Variants in ALMS1 observed in about 807,000 individuals in gnomAD.
ALMS1 encodes the protein centrosome-associated protein ALMS1.
ALMS1 carries 271 observed loss-of-function variants against 352.2 expected under a neutral mutation model. The ratio of observed to expected loss-of-function variants is 0.77; its 90% CI spans 0.70 to 0.85. ALMS1 has a LOEUF of 0.85. Among genes scored for constraint, ALMS1 ranks in the 40% least tolerant of loss-of-function variants. The pLI is 0.00. For synonymous variants in ALMS1, 1,865 were observed against 1,761.2 expected (o/e 1.06, Z -1.48); for missense variants, 5,445 against 4,870.7 (o/e 1.12, Z -3.51).
At position 73,448,812 on chromosome 2, in the gene ALMS1, G is replaced by A; in HGVS notation, c.2285G>A (p.Ser762Asn). ...QKTEIPAVQS[S>N]SYSQREKPSI... ...ACTGAGATACCAGCAGTACAGTCTA[G>A]TTCTTACTCACAAAGAGAAAAGCCT... The change falls in exon 8 of 23, where the codon AGT (serine) becomes AAT (asparagine). Residue 762 changes from serine (S) to asparagine (N), a missense_variant. Physicochemically the swap from Ser to Asn is conservative, Grantham distance 46. Coordinates refer to ENST00000613296, the MANE Select transcript of ALMS1 (RefSeq NM_001378454.1). 6.8e-6 allele frequency: 11 copies of A among 1,613,920 alleles called. No homozygotes were observed. The highest frequency in any genetic ancestry group is 9.3e-6 in the Non-Finnish European group (11 of 1,179,954).
rs1324818119 is a variant in ALMS1 at position 73,519,963 on chromosome 2, A to G, written c.9728A>G (p.Lys3243Arg). The G allele has an allele frequency of 6.2e-7, 1 of 1,614,126 alleles. No individual in the cohort carries two copies. The highest frequency in any genetic ancestry group is 8.5e-7 in the Non-Finnish European group (1 of 1,179,960). ...CAGAAGCTACGCAAAGCTCCTGTCA[A>G]GTTTGCCTCATCATCTTCAGTCCAA... is the stretch of plus-strand genomic sequence containing the variant. Reference protein sequence around the residue: ...GNQKLRKAPVKFASSSSVQQV... With the variant: ...GNQKLRKAPVRFASSSSVQQV... Residue 3243 changes from lysine to arginine, a missense_variant, in exon 11 of 23, where the codon AAG becomes AGG. Coordinates refer to ENST00000613296, the MANE Select transcript of ALMS1 (RefSeq NM_001378454.1).
At chr2:73,548,974 T>C (rs1239032253) in intron 12 of ALMS1, among the ~76,000 whole-genome samples, 1 of 152,164 alleles carries the variant, frequency 6.6e-6, no homozygotes, top group Non-Finnish European at 1.5e-5. Context: ...AAGAACCCAA[T>C]ATAATCTATT....
rs747436819 is a variant in ALMS1, at chr2:73,568,995, C to CTT, written c.10385-3231_10385-3230dup. 7.1e-3 allele frequency among the ~76,000 whole-genome samples: 381 copies of CTT among 53,574 alleles called. 148 individuals are homozygous for CTT. The highest frequency in any genetic ancestry group is 0.01 in the Non-Finnish European group (308 of 29,550). The allele number at this position is 53,574 out of a possible 152,430, so 35.1% of individuals were successfully genotyped here. The stretch of plus-strand genomic sequence containing the variant: ...AGCTTGCTTGCTGCTGCTTCTGCTT[C>CTT]TTTTTTTTTTTTTTTTTTTTTTTTT... On this transcript the variant is annotated intron_variant, in intron 15 of 22. Coordinates refer to ENST00000613296, the MANE Select transcript of ALMS1 (RefSeq NM_001378454.1).
intron 9 of ALMS1, among the ~76,000 whole-genome samples, chr2:73,482,003 T>C (rs1672717870): frequency 6.6e-6 from 1 of 152,176 alleles, no homozygotes; most frequent in South Asian, 2.1e-4. Flanking sequence ...TTTCTAGATA[T>C]ACAATCATGT....
chr2:73,449,192 A>G lies in ALMS1; in HGVS notation c.2665A>G (p.Ile889Val), dbSNP rs377282102. 1.0e-4 allele frequency: 164 copies of G among 1,613,906 alleles called. No homozygotes were observed. Among genetic ancestry groups the G allele is most frequent in the Admixed American group, 3.5e-4 (21 of 59,986 alleles). ...HLTEEALKVSIVPGPGDQKTG... is the reference protein window; with the variant it reads ...HLTEEALKVSVVPGPGDQKTG... ...AACTGAAGAGGCTCTGAAAGTATCAATTGTTCCTGGACCAGGTGATCAGAA... is the reference window on the plus strand; with the variant it reads ...AACTGAAGAGGCTCTGAAAGTATCAGTTGTTCCTGGACCAGGTGATCAGAA... The change falls in exon 8 of 23, where the codon ATT becomes GTT. Residue 889 changes from isoleucine (I) to valine (V), a missense_variant. Coordinates refer to ENST00000613296, the MANE Select transcript of ALMS1 (RefSeq NM_001378454.1).
chr2:73,428,995 T>C (rs1381396138), intron 6 of ALMS1, among the ~76,000 whole-genome samples: 1 of 152,180 alleles, frequency 6.6e-6, no homozygotes, highest in Non-Finnish European at 1.5e-5. Flanking sequence ...ACATAGAGAT[T>C]TTGAGTCAAA....
chr2:73,494,445 C>T (rs562697508), intron 10 of ALMS1, among the ~76,000 whole-genome samples: 6 of 152,262 alleles, frequency 3.9e-5, no homozygotes, highest in Non-Finnish European at 7.4e-5. Flanking sequence ...TGGTGTAAAA[C>T]TATATAGTCT....
At position 73,449,280 on chromosome 2, in the gene ALMS1, C is replaced by T. The variant is rs369228801; in HGVS notation, c.2753C>T (p.Ser918Phe). ...YSHREKPIIF[S>F]QQTLPDFLFP... is the part of the protein sequence containing the mutation. ...CACAGAGAGAAGCCCATTATTTTTT[C>T]CCAGCAGACCCTGCCAGACTTTCTT... is the stretch of plus-strand genomic sequence containing the variant. The change falls in exon 8 of 23, where the codon TCC (serine) becomes TTC (phenylalanine). Residue 918 changes from serine (S) to phenylalanine (F), a missense_variant. Ser to Phe is a radical substitution (Grantham distance 155, BLOSUM62 -2). Coordinates refer to ENST00000613296, the MANE Select transcript of ALMS1 (RefSeq NM_001378454.1). 1 of 1,613,728 alleles carries T rather than the reference C, an allele frequency of 6.2e-7. No individual in the cohort carries two copies.
intron 10 of ALMS1, among the ~76,000 whole-genome samples, chr2:73,505,896 G>T (rs1208271749): frequency 6.6e-6 from 1 of 152,078 alleles, no homozygotes; most frequent in Non-Finnish European, 1.5e-5. Context: ...TATTGCCTAG[G>T]TTTTTTTGTA....
At chr2:73,419,068 T>TATTTAGATGAAAATGTCCACTC in intron 2 of ALMS1, 55 bp from the exon 3 acceptor site, 1 of 1,391,094 alleles carries the variant, frequency 7.2e-7, no homozygotes, top group Non-Finnish European at 1.0e-6. Flanking sequence ...TAAATATTAA[T>TATTTAGATGAAAATGTCCACTC]ATGTATGGTA....
chr2:73,609,742 C>T lies in ALMS1; in HGVS notation c.*130C>T. The T allele has an allele frequency of 2.1e-6, 2 of 930,702 alleles. No individual in the cohort carries two copies. Among genetic ancestry groups the T allele is most frequent in the South Asian group, 2.8e-5 (2 of 71,400 alleles). 57.7% of individuals were successfully genotyped at this position (930,702 alleles called of 1,614,324 possible). A position where few individuals can be genotyped will look rare whatever the true frequency, so the allele number is the denominator to read the frequency against. On this transcript the variant is annotated 3_prime_UTR_variant, in exon 23 of 23. Transcript: ENST00000613296. Reference sequence around the variant, plus strand: ...ATGTGTATTTTAGAAATAGTAACTTCTAAAGAGTCTGGAACAAAGTGGTGA... The same window carrying T: ...ATGTGTATTTTAGAAATAGTAACTTTTAAAGAGTCTGGAACAAAGTGGTGA...
chr2:73,541,445 A>T (rs533048909), intron 12 of ALMS1, among the ~76,000 whole-genome samples: 2 of 152,244 alleles, frequency 1.3e-5, no homozygotes, highest in South Asian at 2.1e-4. Flanking sequence ...TGACAGCCTA[A>T]CATCACAATT....
At position 73,504,750 on chromosome 2, in the gene ALMS1, C is replaced by CT. The variant is rs755948690; in HGVS notation, c.9539+13255dup. On this transcript the variant is annotated intron_variant, in intron 10 of 22. Coordinates refer to ENST00000613296, the MANE Select transcript of ALMS1 (RefSeq NM_001378454.1). ...ACATTCATGTACTTTTTTTTTTATA[C>CT]TTTAAGTTTTGGAATACATGTGCTG... is the stretch of plus-strand genomic sequence containing the variant. 1.7e-4 allele frequency among the ~76,000 whole-genome samples: 25 copies of CT among 151,118 alleles called. 1 individual carries two copies. Among genetic ancestry groups the CT allele is most frequent in the Middle Eastern group, 6.8e-3 (2 of 294 alleles).
chr2:73,406,909 G>A (rs1296437812), intron 1 of ALMS1, among the ~76,000 whole-genome samples: 1 of 152,240 alleles, frequency 6.6e-6, no homozygotes, highest in Non-Finnish European at 1.5e-5. Flanking sequence ...ACAGGCATGA[G>A]CCACCGCACC....
intron 10 of ALMS1, among the ~76,000 whole-genome samples, chr2:73,513,624 G>A (rs115300169): frequency 6.6e-6 from 1 of 152,108 alleles, no homozygotes; most frequent in Non-Finnish European, 1.5e-5. Context: ...ATCTCTCTGT[G>A]TAGGTATTTT....
At chr2:73,519,039 A>G (rs1178062660) in intron 10 of ALMS1, among the ~76,000 whole-genome samples, 1 of 152,160 alleles carries the variant, frequency 6.6e-6, no homozygotes, top group Non-Finnish European at 1.5e-5. Flanking sequence ...CATATGTGGT[A>G]TCCACATCAT....
At chr2:73,491,988 C>A (rs1673000288) in intron 10 of ALMS1, among the ~76,000 whole-genome samples, 1 of 152,048 alleles carries the variant, frequency 6.6e-6, no homozygotes, top group Non-Finnish European at 1.5e-5. Flanking sequence ...CTGGCAGATA[C>A]CAGTTTAGTC....
chr2:73,522,609 C>G (rs1673705484), intron 11 of ALMS1, among the ~76,000 whole-genome samples: 2 of 151,904 alleles, frequency 1.3e-5, no homozygotes, highest in East Asian at 3.9e-4. Context: ...GCTGGGACTA[C>G]AGGCGCGCAC....
intron 1 of ALMS1, among the ~76,000 whole-genome samples, chr2:73,404,833 G>A: frequency 6.8e-6 from 1 of 147,396 alleles, no homozygotes; most frequent in South Asian, 2.2e-4. Context: ...TGTTTCAGGA[G>A]GATTGGTGTT....
Sources: gnomAD v4.1 joint callset for allele counts (sites outside exome capture counted in the v4.1 genomes callset) on GRCh38, gnomAD v4.1.1 for gene constraint, MANE v1.5 for transcripts, NCBI Gene and HGNC (gene_info 2026-07-23, HGNC 2026-07-21) for gene names.